SLC24A5: variants seen among roughly 807,000 people sequenced by gnomAD.
The protein encoded by SLC24A5 is solute carrier family 24 member 5.
In SLC24A5, 46 loss-of-function variants were observed where a neutral mutation model predicts 51.6. The ratio of observed to expected loss-of-function variants is 0.89; its 90% CI spans 0.70 to 1.14. The LOEUF (loss-of-function observed/expected upper bound fraction) is 1.14, where lower values mean the gene tolerates loss of function less well. Ranked by LOEUF, SLC24A5 falls within the 50% of genes most tolerant of loss-of-function variation. SLC24A5 has a pLI of 0.00. For synonymous variants in SLC24A5, 230 were observed against 214.9 expected (o/e 1.07, Z -0.62); for missense variants, 581 against 604.1 (o/e 0.96, Z 0.40).
At chr15:48,140,160 G>C (rs566745111) in intron 7 of SLC24A5, 2 of 151,772 alleles carry the variant, frequency 1.3e-5, no homozygotes, top group African/African-American at 4.8e-5. Flanking sequence ...CACTCAGCCA[G>C]AACACATTTG....
chr15:48,139,852 C>T (rs1233763866), intron 7 of SLC24A5: 2 of 152,060 alleles, frequency 1.3e-5, no homozygotes, highest in East Asian at 3.9e-4. Flanking sequence ...CAAACTACTG[C>T]CTGTGTGCCA....
At chr15:48,121,834 T>A (rs765758452) in intron 1 of SLC24A5, 23 bp from the exon 2 acceptor site, 1 of 1,612,988 alleles carries the variant, frequency 6.2e-7, no homozygotes, top group Non-Finnish European at 8.5e-7. Context: ...CTCTTCAAAC[T>A]TTCACCTCCT....
At chr15:48,132,885 G>GT (rs1449293151) in intron 2 of SLC24A5, among the ~76,000 whole-genome samples, 1 of 152,102 alleles carries the variant, frequency 6.6e-6, no homozygotes, top group African/African-American at 2.4e-5. Flanking sequence ...TAAGGAAGTC[G>GT]TATCACCTTT....
chr15:48,129,283 ACT>A (rs1316481529), intron 2 of SLC24A5, among the ~76,000 whole-genome samples: 2 of 152,068 alleles, frequency 1.3e-5, no homozygotes, highest in African/African-American at 4.8e-5. Flanking sequence ...TGTATTCCTG[ACT>A]CTCAGTAACT....
chr15:48,132,784 G>C (rs1402194213), intron 2 of SLC24A5, among the ~76,000 whole-genome samples: 1 of 152,028 alleles, frequency 6.6e-6, no homozygotes, highest in Non-Finnish European at 1.5e-5. Flanking sequence ...TTCTATATGG[G>C]CTTTTCATGA....
chr15:48,139,064 C>G lies in SLC24A5; in HGVS notation c.967C>G (p.Pro323Ala). 6.2e-7 allele frequency: 1 copy of G among 1,612,700 alleles called. No individual in the cohort carries two copies. The highest frequency in any genetic ancestry group is 8.5e-7 in the Non-Finnish European group (1 of 1,178,974). ...PIITLLFLTT[P>A]DCRKKFWKNY... ...TATTACATTACTTTTTCTAACCACA[C>G]CAGATTGTAGAAAAAAGTTTTGGAA... Residue 323 changes from proline (P) to alanine (A), a missense_variant, in exon 7 of 9, where the codon CCA becomes GCA. Coordinates refer to ENST00000341459, the MANE Select transcript of SLC24A5 (RefSeq NM_205850.3).
intron 2 of SLC24A5, among the ~76,000 whole-genome samples, chr15:48,132,545 CTT>C (rs973737304): frequency 2.6e-5 from 4 of 152,108 alleles, no homozygotes; most frequent in Non-Finnish European, 4.4e-5. Flanking sequence ...CACCAGATGA[CTT>C]AACTATCACC....
chr15:48,123,400 CT>C (rs2038699695), intron 2 of SLC24A5: 1 of 152,010 alleles, frequency 6.6e-6, no homozygotes. Context: ...TCCTTTAAAT[CT>C]TTTGAATCTT....
chr15:48,121,919 C>T lies in SLC24A5; in HGVS notation c.184C>T (p.Gln62Ter), dbSNP rs147601285. Residue 62 changes from glutamine (Q) to a stop codon, truncating the protein, a stop_gained, in exon 2 of 9, where the codon CAG becomes TAG. Coordinates refer to ENST00000341459, the MANE Select transcript of SLC24A5 (RefSeq NM_205850.3). LOFTEE classifies it high-confidence loss of function. Reference sequence around the variant, plus strand: ...GTTTCCCGAAGGGTTTTTCACGAGACAGGAGCGCAGAGATGGAGGCATCAT... The same window carrying T: ...GTTTCCCGAAGGGTTTTTCACGAGATAGGAGCGCAGAGATGGAGGCATCAT... ...SEFPEGFFTR[Q>*]ERRDGGIIIY... 84 of 1,614,014 alleles carry T rather than the reference C, an allele frequency of 5.2e-5. No individual in the cohort carries two copies. Among genetic ancestry groups the T allele is most frequent in the Non-Finnish European group, 6.9e-5 (82 of 1,179,992 alleles).
intron 5 of SLC24A5, chr15:48,135,818 A>T (rs1676556775): frequency 6.6e-6 from 1 of 152,158 alleles, no homozygotes; most frequent in South Asian, 2.1e-4. Context: ...TAATTTCTAA[A>T]CTAATCATCC....
chr15:48,122,746 C>T (rs2065304934), intron 2 of SLC24A5: 1 of 152,288 alleles, frequency 6.6e-6, no homozygotes, highest in Admixed American at 6.5e-5. Flanking sequence ...GCACTGGTCC[C>T]TAAACACCAG....
intron 2 of SLC24A5, 91 bp downstream of exon 2, chr15:48,122,127 A>G (rs753569049): frequency 5.2e-6 from 7 of 1,335,966 alleles, no homozygotes; most frequent in African/African-American, 1.4e-5. Flanking sequence ...GCTGTCCTGT[A>G]CTTCTCAACT....
At chr15:48,135,008 G>T in intron 5 of SLC24A5, 24 bp downstream of exon 5, 1 of 1,531,314 alleles carries the variant, frequency 6.5e-7, no homozygotes, top group East Asian at 2.3e-5. Context: ...TAATTCTTAT[G>T]TAAAAATTAG....
Position 48,136,847 on chromosome 15 carries a change from A to T in SLC24A5, c.755A>T (p.Asp252Val). 6.2e-7 allele frequency: 1 copy of T among 1,613,890 alleles called. No homozygotes were observed. Among genetic ancestry groups the T allele is most frequent in the Non-Finnish European group, 8.5e-7 (1 of 1,179,838 alleles). The change falls in exon 6 of 9, where the codon GAT becomes GTT. Residue 252 changes from aspartate (D) to valine (V), a missense_variant. Coordinates refer to ENST00000341459, the MANE Select transcript of SLC24A5 (RefSeq NM_205850.3). Reference sequence around the variant, plus strand: ...CAACAGCCACTGATGGGCTGGGAAGATGAAGGTCAACCATTCATTCGTCGG... The same window carrying T: ...CAACAGCCACTGATGGGCTGGGAAGTTGAAGGTCAACCATTCATTCGTCGG... The part of the protein sequence containing the change: ...SEQQPLMGWE[D>V]EGQPFIRRQS...
chr15:48,141,909 C>T, intron 8 of SLC24A5, 120 bp from the exon 9 acceptor site: 2 of 724,444 alleles, frequency 2.8e-6, no homozygotes, highest in Non-Finnish European at 4.3e-6. Flanking sequence ...TTTGCTCTAA[C>T]AACAATTTTT....
At position 48,139,075 on chromosome 15, in the gene SLC24A5, A is replaced by C; in HGVS notation, c.978A>C (p.Arg326Ser). 6.2e-7 allele frequency: 1 copy of C among 1,613,132 alleles called. No individual in the cohort carries two copies. Among genetic ancestry groups the C allele is most frequent in the South Asian group, 1.1e-5 (1 of 91,042 alleles). The stretch of plus-strand genomic sequence containing the variant: ...TTTTTCTAACCACACCAGATTGTAG[A>C]AAAAAGTTTTGGAAAAACTACTTTG... ...TLLFLTTPDC[R>S]KKFWKNYFVI... Residue 326 changes from arginine to serine, a missense_variant, in exon 7 of 9, where the codon AGA becomes AGC. By Grantham distance (110) the Arg-to-Ser change is moderately radical. Transcript: ENST00000341459.
At chr15:48,140,895 A>G (rs943904034) in intron 7 of SLC24A5, 12 of 429,012 alleles carry the variant, frequency 2.8e-5, no homozygotes, top group Non-Finnish European at 3.4e-5. Context: ...ACGTATCTTT[A>G]GATATGTCAT....
intron 2 of SLC24A5, among the ~76,000 whole-genome samples, chr15:48,132,304 C>A (rs2038798232): frequency 6.6e-6 from 1 of 152,086 alleles, no homozygotes; most frequent in Non-Finnish European, 1.5e-5. Context: ...TCTAAAATTT[C>A]AATCCTTCCT....
intron 6 of SLC24A5, 105 bp downstream of exon 6, chr15:48,137,068 T>C: frequency 8.1e-7 from 1 of 1,236,242 alleles, no homozygotes; most frequent in Non-Finnish European, 1.1e-6. Context: ...TAAAAAAGAC[T>C]GTGAAGACTC....
Sources: allele counts gnomAD v4.1 joint callset (sites outside exome capture counted in the v4.1 genomes callset), GRCh38; gene constraint gnomAD v4.1.1; transcripts MANE v1.5; gene names NCBI Gene and HGNC (gene_info 2026-07-23, HGNC 2026-07-21).